The following TOP2B variants were observed in gnomAD, a reference collection of about 807,000 sequenced individuals.
The protein encoded by TOP2B is DNA topoisomerase 2-beta.
Under a neutral mutation model 193.5 loss-of-function variants are expected in TOP2B, and 51 were observed. The ratio of observed to expected loss-of-function variants is 0.26; its 90% confidence interval spans 0.21 to 0.33. The LOEUF (loss-of-function observed/expected upper bound fraction) is 0.33, where lower values mean the gene tolerates loss of function less well. Ranked by LOEUF, TOP2B falls within the 10% of genes least tolerant of loss-of-function variation. TOP2B has a pLI of 1.00. For missense variants in TOP2B, 1,378 were observed against 1,909.3 expected, an observed-to-expected ratio of 0.72 and a Z score of 5.19; for synonymous variants, 634 against 635.7, an observed-to-expected ratio of 1.00 and a Z score of 0.04.
intron 34 of TOP2B, 40 bp downstream of exon 34, chr3:25,601,060 A>C: frequency 8.8e-6 from 14 of 1,585,686 alleles, no homozygotes; most frequent in Non-Finnish European, 1.2e-5. Flanking sequence ...TCTTTTCCAC[A>C]CAGCATATGT....
intron 18 of TOP2B, 192 bp from the exon 19 acceptor site, chr3:25,624,995 G>T: frequency 3.9e-6 from 2 of 513,582 alleles, no homozygotes; most frequent in South Asian, 5.0e-5. Context: ...CCATCTGCAG[G>T]TATATACTAA....
chr3:25,625,711 C>G (rs1364382305), intron 18 of TOP2B, among the ~76,000 whole-genome samples: 1 of 152,098 alleles, frequency 6.6e-6, no homozygotes, highest in East Asian at 1.9e-4. Context: ...AGGTTAGACA[C>G]CCTGGCTCTA....
rs1704038651 is a variant in TOP2B, at chr3:25,664,700, G to A, written c.-403C>T. Reference sequence around the variant, plus strand: ...GCTCGGACGTGGCGAGGACGCAGAGGTGCCTTGTCCTTCTCACACTCCGCG... The same window carrying A: ...GCTCGGACGTGGCGAGGACGCAGAGATGCCTTGTCCTTCTCACACTCCGCG... On this transcript the variant is annotated 5_prime_UTR_variant, in exon 1 of 36. Coordinates refer to ENST00000264331, the MANE Select transcript of TOP2B (RefSeq NM_001330700.2). The A allele has an allele frequency of 3.0e-6, 3 of 985,078 alleles. No homozygotes were observed. Among genetic ancestry groups the A allele is most frequent in the African/African-American group, 3.5e-5 (2 of 57,188 alleles). 61.0% of individuals were successfully genotyped at this position (985,078 alleles called of 1,614,324 possible).
chr3:25,633,606 T>C (rs1703021521), intron 8 of TOP2B, among the ~76,000 whole-genome samples: 1 of 152,192 alleles, frequency 6.6e-6, no homozygotes, highest in African/African-American at 2.4e-5. Flanking sequence ...TCATAAAATA[T>C]AAATATGTTC....
At chr3:25,653,307 G>C (rs771211471) in intron 1 of TOP2B, among the ~76,000 whole-genome samples, 11 of 152,058 alleles carry the variant, frequency 7.2e-5, no homozygotes, top group Non-Finnish European at 7.4e-5. Context: ...ACAAAAACTA[G>C]AAGACAGAAC....
chr3:25,613,162 T>C (rs1045506579), intron 27 of TOP2B, among the ~76,000 whole-genome samples: 1 of 152,110 alleles, frequency 6.6e-6, no homozygotes, highest in African/African-American at 2.4e-5. Context: ...TCAGAAAGTA[T>C]GAGAAGTTAA....
chr3:25,630,922 A>G lies in TOP2B; in HGVS notation c.1284T>C (p.Ile428=). ...TCACCCAGTTCAGGATACTTTCTAC[A>G]ATGCCACAATTAGAGGCCTAAAAAT... ...KFFKAASNCG[I]VESILNWVKF... The change falls in exon 11 of 36, where the codon ATT becomes ATC. Residue 428 remains isoleucine, a synonymous_variant. Transcript: ENST00000264331. The G allele has an allele frequency of 6.3e-7, 1 of 1,591,810 alleles. No individual in the cohort carries two copies.
At chr3:25,648,741 A>T (rs953105088) in intron 1 of TOP2B, among the ~76,000 whole-genome samples, 1 of 152,182 alleles carries the variant, frequency 6.6e-6, no homozygotes, top group Non-Finnish European at 1.5e-5. Flanking sequence ...GCACACTTGT[A>T]GTCCCAGCTA....
At chr3:25,622,162 C>G (rs1702674044) in intron 21 of TOP2B, among the ~76,000 whole-genome samples, 2 of 152,144 alleles carry the variant, frequency 1.3e-5, no homozygotes, top group African/African-American at 4.8e-5. Flanking sequence ...AGCTCTTTAT[C>G]TCACCACTTA....
At chr3:25,627,869 A>T (rs1330860517) in intron 15 of TOP2B, among the ~76,000 whole-genome samples, 1 of 151,496 alleles carries the variant, frequency 6.6e-6, no homozygotes, top group Non-Finnish European at 1.5e-5. Flanking sequence ...CGGGACTTCT[A>T]GACCACCCTG....
rs753069547 is a variant in TOP2B at position 25,632,744 on chromosome 3, A to C, written c.1077T>G (p.Ile359Met). The part of the protein sequence containing the change: ...YVVDQVVGKL[I>M]EVVKKKNKAG... ...CTTTGTTCTTTTTCTTAACTACTTC[A>C]ATCAGTTTACCAACAACTTGATCTA... The change falls in exon 9 of 36, where the codon ATT (isoleucine) becomes ATG (methionine). Residue 359 changes from isoleucine (I) to methionine (M), a missense_variant. Transcript: ENST00000264331. The C allele has an allele frequency of 3.1e-6, 5 of 1,613,180 alleles. No homozygotes were observed. The highest frequency in any genetic ancestry group is 2.5e-6 in the Non-Finnish European group (3 of 1,179,440).
chr3:25,603,055 G>A (rs1233935797), intron 33 of TOP2B, among the ~76,000 whole-genome samples: 4 of 152,164 alleles, frequency 2.6e-5, no homozygotes, highest in African/African-American at 9.7e-5. Flanking sequence ...GAAGAAGGAA[G>A]CAAGTAGGAT....
intron 9 of TOP2B, 48 bp from the exon 10 acceptor site, chr3:25,632,631 T>A: frequency 6.2e-7 from 1 of 1,602,054 alleles, no homozygotes; most frequent in South Asian, 1.1e-5. Context: ...TGATATTTAG[T>A]AATTCAGTAT....
At chr3:25,649,289 T>C (rs1157745028) in intron 1 of TOP2B, among the ~76,000 whole-genome samples, 1 of 152,008 alleles carries the variant, frequency 6.6e-6, no homozygotes. Flanking sequence ...TATGTAAGCC[T>C]CAAAGGAGAA....
At chr3:25,631,445 C>T (rs1321454702) in intron 10 of TOP2B, among the ~76,000 whole-genome samples, 1 of 151,996 alleles carries the variant, frequency 6.6e-6, no homozygotes, top group South Asian at 2.1e-4. Flanking sequence ...TTCAACATTA[C>T]ATATTGTTTG....
Position 25,623,751 on chromosome 3 carries a change from T to A in TOP2B, c.2496-5A>T, listed in dbSNP as rs748784988. ...AAAAGTAGCCTTGCTAAAGTGCTAA[T>A]GAAAACAAAAAGAAGCAAATGAAAA... is the stretch of plus-strand genomic sequence containing the variant. On this transcript the variant is annotated splice_region_variant and splice_polypyrimidine_tract_variant and intron_variant, in intron 20 of 35. Coordinates refer to ENST00000264331, the MANE Select transcript of TOP2B (RefSeq NM_001330700.2). 6.3e-7 allele frequency: 1 copy of A among 1,587,318 alleles called. No individual in the cohort carries two copies. The highest frequency in any genetic ancestry group is 2.2e-5 in the East Asian group (1 of 44,584).
intron 1 of TOP2B, among the ~76,000 whole-genome samples, chr3:25,651,827 T>C (rs952925251): frequency 1.3e-5 from 2 of 151,014 alleles, no homozygotes; most frequent in Admixed American, 1.3e-4. Context: ...ATTGTGCCAC[T>C]GTACTTCAGC....
At position 25,624,794 on chromosome 3, in the gene TOP2B, G is replaced by C; in HGVS notation, c.2234C>G (p.Pro745Arg). The C allele has an allele frequency of 6.2e-7, 1 of 1,611,946 alleles. No individual in the cohort carries two copies. The highest frequency in any genetic ancestry group is 8.5e-7 in the Non-Finnish European group (1 of 1,179,146). The stretch of plus-strand genomic sequence containing the variant: ...GGTAAATAAAACTTTCCGCTGGCCA[G>C]GTTTAAAGCCTATTTTTAAAAGAGC... ...SIPSLVDGFK[P>R]GQRKVLFTCF... The change falls in exon 19 of 36, where the codon CCT (proline) becomes CGT (arginine). Residue 745 changes from proline to arginine, a missense_variant. By Grantham distance (103) the Pro-to-Arg change is moderately radical (BLOSUM62 -2). Around this residue, in one of 9 missense-constraint regions of TOP2B, gnomAD observed 379 missense variants for 615.1 expected, o/e 0.62. Coordinates refer to ENST00000264331, the MANE Select transcript of TOP2B (RefSeq NM_001330700.2).
intron 1 of TOP2B, among the ~76,000 whole-genome samples, chr3:25,657,487 T>C (rs1703778980): frequency 1.3e-5 from 2 of 152,190 alleles, no homozygotes; most frequent in Non-Finnish European, 2.9e-5. Context: ...TTGCTGACAA[T>C]ATTCAGAAAA....
Sources: gnomAD v4.1 joint callset for allele counts (sites outside exome capture counted in the v4.1 genomes callset) on GRCh38, gnomAD v4.1.1 for gene constraint, gnomAD v4.1.1 regional missense constraint, MANE v1.5 for transcripts, NCBI Gene and HGNC (gene_info 2026-07-23, HGNC 2026-07-21) for gene names.